Variants in MAMDC2 observed in about 807,000 individuals in gnomAD.
MAMDC2 encodes the protein MAM domain containing 2.
A neutral mutation model predicts 89.8 loss-of-function variants in MAMDC2; 57 were observed. That is an observed-to-expected ratio of 0.63 (90% CI 0.51 to 0.79). The LOEUF (loss-of-function observed/expected upper bound fraction) is 0.79, where lower values mean the gene tolerates loss of function less well. Ranked by LOEUF, MAMDC2 falls within the 30% of genes least tolerant of loss-of-function variation. The pLI is 0.00. For synonymous variants in MAMDC2, 313 were observed against 293.4 expected, an observed-to-expected ratio of 1.07 and a Z score of -0.68; for missense variants, 800 against 820.6, an observed-to-expected ratio of 0.97 and a Z score of 0.31.
chr9:70,102,612 C>T (rs1022970839), intron 2 of MAMDC2, among the ~76,000 whole-genome samples: 1 of 152,156 alleles, frequency 6.6e-6, no homozygotes, highest in African/African-American at 2.4e-5. Context: ...CTGCATGTGA[C>T]AAGGAGACAT....
In MAMDC2 at chr9:70,226,114, C is replaced by G; in HGVS notation, c.*82C>G. ...GAAAACAAAGCAAATGAATACTGGA[C>G]AGTCTTAACAATTTTATAAGTTATA... On this transcript the variant is annotated 3_prime_UTR_variant, in exon 14 of 14. Coordinates refer to ENST00000377182, the MANE Select transcript of MAMDC2 (RefSeq NM_153267.5). 5.1e-6 allele frequency: 4 copies of G among 783,456 alleles called. No homozygotes were observed. The highest frequency in any genetic ancestry group is 8.1e-6 in the Non-Finnish European group (4 of 493,936). 48.5% of individuals were successfully genotyped at this position (783,456 alleles called of 1,614,324 possible).
At chr9:70,197,953 T>C (rs1229603576) in intron 11 of MAMDC2, among the ~76,000 whole-genome samples, 1 of 152,056 alleles carries the variant, frequency 6.6e-6, no homozygotes, top group Non-Finnish European at 1.5e-5. Flanking sequence ...CATTTTATTA[T>C]CTCACGTCAG....
chr9:70,065,074 T>C (rs945394328), intron 2 of MAMDC2, among the ~76,000 whole-genome samples: 2 of 152,152 alleles, frequency 1.3e-5, no homozygotes, highest in African/African-American at 4.8e-5. Flanking sequence ...CAGTAAAACC[T>C]CCCTCTGTCA....
intron 7 of MAMDC2, 92 bp from the exon 8 acceptor site, chr9:70,140,053 A>G (rs2031155239): frequency 7.5e-7 from 1 of 1,333,478 alleles, no homozygotes; most frequent in Non-Finnish European, 1.0e-6. Context: ...CTCCCCTGGT[A>G]CAAATGTGTA....
intron 2 of MAMDC2, among the ~76,000 whole-genome samples, chr9:70,051,894 G>T (rs1563932174): frequency 6.6e-6 from 1 of 150,726 alleles, no homozygotes; most frequent in African/African-American, 2.5e-5. Flanking sequence ...GATAGAGATA[G>T]ATAGATAGAT....
At chr9:70,216,026 GATTA>G (rs1350534247) in intron 11 of MAMDC2, among the ~76,000 whole-genome samples, 1 of 152,156 alleles carries the variant, frequency 6.6e-6, no homozygotes, top group Admixed American at 6.5e-5. Context: ...TTTTGGAAAT[GATTA>G]ATTAGAGTTC....
intron 2 of MAMDC2, among the ~76,000 whole-genome samples, chr9:70,103,727 A>T (rs147682355): frequency 1.6e-4 from 25 of 152,278 alleles, no homozygotes; most frequent in African/African-American, 6.0e-4. Flanking sequence ...CACTCCTGTA[A>T]TCCTAGCACT....
rs1183346094 is a variant in MAMDC2, at chr9:70,079,944, T to C, written c.149-28267T>C. ...GTCTGCAAACAGAGCTTCTTGGTGGTTAGATGTTGTGTAATTACAAGTGTT... is the reference window on the plus strand; with the variant it reads ...GTCTGCAAACAGAGCTTCTTGGTGGCTAGATGTTGTGTAATTACAAGTGTT... On this transcript the variant is annotated intron_variant, in intron 2 of 13. Coordinates refer to ENST00000377182, the MANE Select transcript of MAMDC2 (RefSeq NM_153267.5). Among the ~76,000 whole-genome samples, 3 of 152,330 alleles carry C rather than the reference T, an allele frequency of 2.0e-5. No individual in the cohort carries two copies. In the East Asian group the frequency reaches 5.8e-4, roughly 29 times the overall value.
chr9:70,165,669 C>G (rs182442766), intron 9 of MAMDC2, among the ~76,000 whole-genome samples: 2 of 152,272 alleles, frequency 1.3e-5, no homozygotes, highest in East Asian at 3.9e-4. Flanking sequence ...TTTGGAATAT[C>G]CAAAAGGAGC....
At chr9:70,167,221 A>G (rs2032203294) in intron 9 of MAMDC2, among the ~76,000 whole-genome samples, 1 of 152,332 alleles carries the variant, frequency 6.6e-6, no homozygotes, top group South Asian at 2.1e-4. Context: ...CCTTTTTATA[A>G]TTGAAAGCAA....
At chr9:70,082,011 C>A (rs1342522236) in intron 2 of MAMDC2, 1 of 152,038 alleles carries the variant, frequency 6.6e-6, no homozygotes, top group Non-Finnish European at 1.5e-5. Flanking sequence ...TAAAAGACAC[C>A]CTGCCTGGAC....
intron 11 of MAMDC2, among the ~76,000 whole-genome samples, chr9:70,182,597 T>C (rs1391136917): frequency 1.3e-5 from 2 of 152,296 alleles, no homozygotes; most frequent in East Asian, 3.9e-4. Context: ...GGTGTATGTG[T>C]CCAGGAATTT....
At chr9:70,128,244 G>A (rs1454774168) in intron 6 of MAMDC2, among the ~76,000 whole-genome samples, 2 of 152,220 alleles carry the variant, frequency 1.3e-5, no homozygotes, top group East Asian at 1.9e-4. Context: ...ATTAGCACAT[G>A]CTGATCAGGA....
chr9:70,115,590 A>T (rs2029949792), intron 5 of MAMDC2, among the ~76,000 whole-genome samples: 1 of 152,272 alleles, frequency 6.6e-6, no homozygotes, highest in South Asian at 2.1e-4. Flanking sequence ...TCCTGACCTT[A>T]GGTGATCCGC....
At chr9:70,154,620 G>A (rs1026060192) in intron 9 of MAMDC2, among the ~76,000 whole-genome samples, 1 of 151,152 alleles carries the variant, frequency 6.6e-6, no homozygotes, top group Non-Finnish European at 1.5e-5. Flanking sequence ...CACCTCCTGG[G>A]CTCAAGCAGT....
At chr9:70,109,494 T>G (rs1270726410) in intron 3 of MAMDC2, 3 of 435,364 alleles carry the variant, frequency 6.9e-6, no homozygotes, top group Non-Finnish European at 1.2e-5. Context: ...CCTTGAAGTT[T>G]TGATGTATGA....
intron 2 of MAMDC2, among the ~76,000 whole-genome samples, chr9:70,048,546 G>T (rs939556433): frequency 6.6e-6 from 1 of 152,128 alleles, no homozygotes; most frequent in Admixed American, 6.5e-5. Flanking sequence ...TGATCCACCC[G>T]CTTCGACCTC....
chr9:70,216,648 T>G lies in MAMDC2; in HGVS notation c.1652-1689T>G, dbSNP rs138577850. ...CACCAAACAAGGCAACAAAGTTGCATGCAAACTTTCTTTGTGTACTTTTCA... is the reference window on the plus strand; with the variant it reads ...CACCAAACAAGGCAACAAAGTTGCAGGCAAACTTTCTTTGTGTACTTTTCA... On this transcript the variant is annotated intron_variant, in intron 11 of 13. Transcript: ENST00000377182. Among the ~76,000 whole-genome samples the G allele has an allele frequency of 2.4e-3, 364 of 152,348 alleles. 2 individuals carry two copies. The highest frequency in any genetic ancestry group is 8.3e-3 in the African/African-American group (347 of 41,582).
chr9:70,066,146 G>C (rs894824012), intron 2 of MAMDC2, among the ~76,000 whole-genome samples: 1 of 152,158 alleles, frequency 6.6e-6, no homozygotes, highest in Non-Finnish European at 1.5e-5. Flanking sequence ...GATTGGGGCA[G>C]TTCAGAAAGA....
Sources: gnomAD v4.1 joint callset for allele counts (sites outside exome capture counted in the v4.1 genomes callset) on GRCh38, gnomAD v4.1.1 for gene constraint, MANE v1.5 for transcripts, NCBI Gene and HGNC (gene_info 2026-07-23, HGNC 2026-07-21) for gene names.